HCN1: variants seen among roughly 807,000 people sequenced by gnomAD.
HCN1 encodes the protein hyperpolarization activated cyclic nucleotide gated potassium channel 1.
A neutral mutation model predicts 78.9 loss-of-function variants in HCN1; 13 were observed. That is an observed-to-expected ratio of 0.16 (90% CI 0.11 to 0.26). HCN1 has a LOEUF of 0.26. Among genes scored for constraint, HCN1 ranks in the 10% least tolerant of loss-of-function variants. HCN1 has a pLI of 1.00. For synonymous variants in HCN1, 552 were observed against 455.5 expected (o/e 1.21, Z -2.70); for missense variants, 810 against 1,154.3 (o/e 0.70, Z 4.32).
At chr5:45,523,371 CT>C (rs762662034) in intron 2 of HCN1, among the ~76,000 whole-genome samples, 2 of 152,016 alleles carry the variant, frequency 1.3e-5, no homozygotes, top group African/African-American at 2.4e-5. Context: ...TGGGTATATA[CT>C]CAGTAATGGG....
chr5:45,457,668 A>C (rs1302394683), intron 3 of HCN1, among the ~76,000 whole-genome samples: 1 of 152,146 alleles, frequency 6.6e-6, no homozygotes, highest in Non-Finnish European at 1.5e-5. Flanking sequence ...TTTAGCTCAC[A>C]GTCCTGGAGG....
intron 4 of HCN1, among the ~76,000 whole-genome samples, chr5:45,372,205 T>C (rs1747406562): frequency 1.5e-5 from 1 of 64,786 alleles, no homozygotes; most frequent in African/African-American, 9.0e-5. Context: ...ATATAATACA[T>C]ATTATATAAT....
intron 6 of HCN1, among the ~76,000 whole-genome samples, chr5:45,283,808 T>C (rs1264117907): frequency 1.3e-5 from 2 of 152,230 alleles, no homozygotes; most frequent in Non-Finnish European, 2.9e-5. Context: ...CCAAGAGGAA[T>C]ATAAATCATT....
chr5:45,558,739 G>T (rs561048126), intron 2 of HCN1: 3 of 151,824 alleles, frequency 2.0e-5, no homozygotes, highest in Admixed American at 6.6e-5. Context: ...TTAAAAATAG[G>T]CCTGGATGAC....
intron 2 of HCN1, chr5:45,557,772 T>A (rs1743502135): frequency 6.6e-6 from 1 of 152,142 alleles, no homozygotes; most frequent in Non-Finnish European, 1.5e-5. Flanking sequence ...ACTGCACTCA[T>A]ATAAGACAGC....
intron 2 of HCN1, among the ~76,000 whole-genome samples, chr5:45,586,718 A>G (rs1477384058): frequency 6.6e-6 from 1 of 152,156 alleles, no homozygotes; most frequent in African/African-American, 2.4e-5. Context: ...CTGTTGCAGC[A>G]GCAATAGAAA....
chr5:45,614,941 G>A (rs1418972416), intron 2 of HCN1, among the ~76,000 whole-genome samples: 4 of 151,160 alleles, frequency 2.6e-5, no homozygotes, highest in Non-Finnish European at 4.4e-5. Context: ...ATTCACAGGT[G>A]GAGAGTGGAA....
chr5:45,636,740 T>C (rs1250609978), intron 2 of HCN1, among the ~76,000 whole-genome samples: 2 of 152,114 alleles, frequency 1.3e-5, no homozygotes, highest in East Asian at 1.9e-4. Flanking sequence ...GTAATCCCAA[T>C]TGTGTGGGAA....
chr5:45,267,367 CA>C (rs1187590768), intron 6 of HCN1, 114 bp from the exon 7 acceptor site: 173 of 868,006 alleles, frequency 2.0e-4, no homozygotes, highest in Non-Finnish European at 2.9e-4. Context: ...CAATTATTAG[CA>C]GCATTTTCTA....
chr5:45,375,101 T>TTTTATAATATATAATATATTA (rs1747578609), intron 4 of HCN1, among the ~76,000 whole-genome samples: 1 of 125,460 alleles, frequency 8.0e-6, no homozygotes, highest in Non-Finnish European at 1.6e-5. Context: ...TAATATAATA[T>TTTTATAATATATAATATATTA]TTTATAATAT....
chr5:45,595,913 G>A (rs1016984430), intron 2 of HCN1, among the ~76,000 whole-genome samples: 47 of 150,250 alleles, frequency 3.1e-4, no homozygotes, highest in African/African-American at 9.5e-4. Flanking sequence ...TTTATTTGAC[G>A]GAGTCTCGCT....
At chr5:45,535,802 T>C (rs1742957037) in intron 2 of HCN1, among the ~76,000 whole-genome samples, 2 of 152,194 alleles carry the variant, frequency 1.3e-5, no homozygotes, top group South Asian at 4.1e-4. Flanking sequence ...ACAGATTATA[T>C]GCATTATATA....
chr5:45,483,011 G>C (rs1423979597), intron 2 of HCN1, among the ~76,000 whole-genome samples: 3 of 152,156 alleles, frequency 2.0e-5, no homozygotes, highest in African/African-American at 7.2e-5. Flanking sequence ...GTCTAACATT[G>C]ATGTGCATAA....
At chr5:45,452,505 T>C (rs1036392851) in intron 3 of HCN1, among the ~76,000 whole-genome samples, 1 of 151,580 alleles carries the variant, frequency 6.6e-6, no homozygotes, top group Non-Finnish European at 1.5e-5. Context: ...ATGGGGTATA[T>C]AAGATAGTAA....
chr5:45,287,282 C>T (rs570658110), intron 6 of HCN1, among the ~76,000 whole-genome samples: 3 of 151,818 alleles, frequency 2.0e-5, no homozygotes, highest in African/African-American at 4.8e-5. Flanking sequence ...CCTCTAGGCT[C>T]ATACATTTCT....
chr5:45,465,345 G>A (rs138431591), intron 2 of HCN1, among the ~76,000 whole-genome samples: 1 of 152,078 alleles, frequency 6.6e-6, no homozygotes, highest in Non-Finnish European at 1.5e-5. Flanking sequence ...GGGTAACAGG[G>A]TAAGAGGGCT....
chr5:45,563,911 T>G (rs1009299429), intron 2 of HCN1, among the ~76,000 whole-genome samples: 8 of 152,190 alleles, frequency 5.3e-5, no homozygotes, highest in Admixed American at 5.2e-4. Flanking sequence ...TTTCTATCTA[T>G]GTCAGTTTCA....
chr5:45,479,752 G>A (rs2111671648), intron 2 of HCN1, among the ~76,000 whole-genome samples: 1 of 152,286 alleles, frequency 6.6e-6, no homozygotes, highest in African/African-American at 2.4e-5. Context: ...GTGGGTCACA[G>A]CTTAACCCAT....
chr5:45,300,061 T>C (rs1394864205), intron 6 of HCN1, among the ~76,000 whole-genome samples: 2 of 152,092 alleles, frequency 1.3e-5, no homozygotes, highest in Non-Finnish European at 2.9e-5. Context: ...ATTCCAGTCT[T>C]TGTATAAAAC....
Sources: gnomAD v4.1 joint callset for allele counts (sites outside exome capture counted in the v4.1 genomes callset) on GRCh38, gnomAD v4.1.1 for gene constraint, MANE v1.5 for transcripts, NCBI Gene and HGNC (gene_info 2026-07-23, HGNC 2026-07-21) for gene names.